RFPL4B: variants seen among roughly 807,000 people sequenced by gnomAD.
RFPL4B encodes ret finger protein-like 4B.
For missense variants in RFPL4B, 314 were observed against 327.7 expected (o/e 0.96, Z 0.32); for synonymous variants, 118 against 126.3 (o/e 0.93, Z 0.44).
In RFPL4B at chr6:112,349,826, C is replaced by G. The variant is rs962345603; in HGVS notation, c.118C>G (p.Leu40Val). 5 of 1,614,156 alleles carry G rather than the reference C, an allele frequency of 3.1e-6. No individual in the cohort carries two copies. The highest frequency in any genetic ancestry group is 4.2e-6 in the Non-Finnish European group (5 of 1,180,026). ...FCFDCIQRYI[L>V]ENHDFRAMCP... ...CTTTGATTGCATCCAGAGGTATATA[C>G]TAGAAAACCATGATTTTAGAGCGAT... is the stretch of plus-strand genomic sequence containing the variant. Residue 40 changes from leucine (L) to valine (V), a missense_variant, in exon 3 of 3, where the codon CTA becomes GTA. By Grantham distance (32) the Leu-to-Val change is conservative. Coordinates refer to ENST00000441065, the MANE Select transcript of RFPL4B (RefSeq NM_001013734.3).
In RFPL4B at chr6:112,350,389, C is replaced by T; in HGVS notation, c.681C>T (p.Val227=). Residue 227 remains valine, a synonymous_variant, in exon 3 of 3, where the codon GTC becomes GTT. Coordinates refer to ENST00000441065, the MANE Select transcript of RFPL4B (RefSeq NM_001013734.3). Reference sequence around the variant, plus strand: ...AGTTTTTTGATGTTGACAATAATGTCCTCATCTATACACATGATGGTTTCT... The same window carrying T: ...AGTTTTTTGATGTTGACAATAATGTTCTCATCTATACACATGATGGTTTCT... The part of the protein sequence containing the change: ...EIQFFDVDNN[V]LIYTHDGFFS... The T allele has an allele frequency of 6.2e-7, 1 of 1,614,036 alleles. No homozygotes were observed.
Position 112,349,653 on chromosome 6 carries a change from G to A in RFPL4B, c.-56G>A. ...TGAGGGCTCCCAAGTGCTTCCAGAA[G>A]CCAATAAAGGATCACTTCAGTTTAC... On this transcript the variant is annotated 5_prime_UTR_variant, in exon 3 of 3. Transcript: ENST00000441065. The A allele has an allele frequency of 6.6e-7, 1 of 1,515,008 alleles. No individual in the cohort carries two copies. Among genetic ancestry groups the A allele is most frequent in the South Asian group, 1.2e-5 (1 of 81,620 alleles). The allele number at this position is 1,515,008 out of a possible 1,614,324, so 93.8% of individuals were successfully genotyped here.
In RFPL4B at chr6:112,351,106, T is replaced by A. The variant is rs1322041938; in HGVS notation, c.*606T>A. 2 of 167,130 alleles carry A rather than the reference T, an allele frequency of 1.2e-5. No individual in the cohort carries two copies. The highest frequency in any genetic ancestry group is 2.9e-5 in the Non-Finnish European group (2 of 68,146). The allele number at this position is 167,130 out of a possible 1,614,324, so 10.4% of individuals were successfully genotyped here. On this transcript the variant is annotated 3_prime_UTR_variant, in exon 3 of 3. Coordinates refer to ENST00000441065, the MANE Select transcript of RFPL4B (RefSeq NM_001013734.3). ...ACAAAGAACTTTGACCAAAATGCAT[T>A]GTTAATGGTGATTCATATTCTTATG...
Position 112,349,653 on chromosome 6 carries a change from G to C in RFPL4B, c.-56G>C, listed in dbSNP as rs1414734130. 6.6e-7 allele frequency: 1 copy of C among 1,514,892 alleles called. No individual in the cohort carries two copies. Among genetic ancestry groups the C allele is most frequent in the Non-Finnish European group, 9.0e-7 (1 of 1,107,592 alleles). The allele number at this position is 1,514,892 out of a possible 1,614,324, so 93.8% of individuals were successfully genotyped here. A position where few individuals can be genotyped will look rare whatever the true frequency, so the allele number is the denominator to read the frequency against. The stretch of plus-strand genomic sequence containing the variant: ...TGAGGGCTCCCAAGTGCTTCCAGAA[G>C]CCAATAAAGGATCACTTCAGTTTAC... On this transcript the variant is annotated 5_prime_UTR_variant, in exon 3 of 3. Coordinates refer to ENST00000441065, the MANE Select transcript of RFPL4B (RefSeq NM_001013734.3).
rs780852100 is a variant in RFPL4B at position 112,349,880 on chromosome 6, G to A, written c.172G>A (p.Val58Ile). The change falls in exon 3 of 3, where the codon GTA becomes ATA. Residue 58 changes from valine to isoleucine, a missense_variant. Transcript: ENST00000441065. Reference protein sequence around the residue: ...MCPLCRDVVKVPALEEWQVSV... With the variant: ...MCPLCRDVVKIPALEEWQVSV... ...CCCCTTGTGTCGAGACGTGGTGAAG[G>A]TACCTGCTTTGGAAGAATGGCAAGT... is the stretch of plus-strand genomic sequence containing the variant. The A allele has an allele frequency of 6.2e-7, 1 of 1,614,000 alleles. No homozygotes were observed. The highest frequency in any genetic ancestry group is 8.5e-7 in the Non-Finnish European group (1 of 1,180,006).
chr6:112,349,460 C>T (rs538862521), intron 2 of RFPL4B, 139 bp downstream of exon 2: 60 of 157,652 alleles, frequency 3.8e-4, no homozygotes, highest in African/African-American at 1.4e-3. Flanking sequence ...GTGTCACTTT[C>T]ATACACAAAC....
intron 1 of RFPL4B, among the ~76,000 whole-genome samples, chr6:112,347,830 C>A (rs1789101546): frequency 6.6e-6 from 1 of 152,128 alleles, no homozygotes; most frequent in African/African-American, 2.4e-5. Context: ...AAAACTTAGC[C>A]GGACGTGGTG....
chr6:112,349,332 C>T lies in RFPL4B; in HGVS notation c.-106+11C>T, dbSNP rs974155922. On this transcript the variant is annotated intron_variant, in intron 2 of 2. Transcript: ENST00000441065. ...AAGTCTTCAGACTAGGTAAGCTGCA[C>T]TGTCTGAAAAGAAAGTTTCCACTGT... The T allele has an allele frequency of 2.0e-5, 3 of 152,548 alleles. No individual in the cohort carries two copies. Among genetic ancestry groups the T allele is most frequent in the Admixed American group, 6.5e-5 (1 of 15,280 alleles). The allele number at this position is 152,548 out of a possible 1,614,324, so 9.4% of individuals were successfully genotyped here. A position where few individuals can be genotyped will look rare whatever the true frequency, so the allele number is the denominator to read the frequency against.
chr6:112,348,820 C>G (rs886550803), intron 1 of RFPL4B, among the ~76,000 whole-genome samples: 1 of 152,200 alleles, frequency 6.6e-6, no homozygotes, highest in Non-Finnish European at 1.5e-5. Flanking sequence ...ACCAGAGGCT[C>G]TCAAGCTTTG....
chr6:112,350,081 G>T lies in RFPL4B; in HGVS notation c.373G>T (p.Asp125Tyr), dbSNP rs769985727. The change falls in exon 3 of 3, where the codon GAT becomes TAT. Residue 125 changes from aspartate (D) to tyrosine (Y), a missense_variant. Physicochemically the swap from Asp to Tyr is radical, Grantham distance 160. Coordinates refer to ENST00000441065, the MANE Select transcript of RFPL4B (RefSeq NM_001013734.3). Reference sequence around the variant, plus strand: ...CGCTCAGTGTAAGAAGATCCACCACGATCTGACAAAAGATCCCAGGCTGGC... The same window carrying T: ...CGCTCAGTGTAAGAAGATCCACCACTATCTGACAAAAGATCCCAGGCTGGC... ...RSAQCKKIHH[D>Y]LTKDPRLACV... The T allele has an allele frequency of 6.2e-7, 1 of 1,614,138 alleles. No homozygotes were observed. Among genetic ancestry groups the T allele is most frequent in the Non-Finnish European group, 8.5e-7 (1 of 1,180,030 alleles).
chr6:112,350,080 C>T lies in RFPL4B; in HGVS notation c.372C>T (p.His124=), dbSNP rs748703242. 15 of 1,614,214 alleles carry T rather than the reference C, an allele frequency of 9.3e-6. No individual in the cohort carries two copies. Among genetic ancestry groups the T allele is most frequent in the Middle Eastern group, 1.6e-4 (1 of 6,062 alleles). ...GCGCTCAGTGTAAGAAGATCCACCA[C>T]GATCTGACAAAAGATCCCAGGCTGG... ...LRSAQCKKIH[H]DLTKDPRLAC... Residue 124 remains histidine, a synonymous_variant, in exon 3 of 3, where the codon CAC becomes CAT. Coordinates refer to ENST00000441065, the MANE Select transcript of RFPL4B (RefSeq NM_001013734.3).
chr6:112,349,819 G>A lies in RFPL4B; in HGVS notation c.111G>A (p.Arg37=), dbSNP rs1457284902. 1.2e-6 allele frequency: 2 copies of A among 1,614,090 alleles called. No individual in the cohort carries two copies. The highest frequency in any genetic ancestry group is 2.7e-5 in the African/African-American group (2 of 75,010). Residue 37 remains arginine (R), a synonymous_variant, in exon 3 of 3, where the codon AGG becomes AGA. Transcript: ENST00000441065. ...THVFCFDCIQ[R]YILENHDFRA... Reference sequence around the variant, plus strand: ...TGTTCTGCTTTGATTGCATCCAGAGGTATATACTAGAAAACCATGATTTTA... The same window carrying A: ...TGTTCTGCTTTGATTGCATCCAGAGATATATACTAGAAAACCATGATTTTA...
chr6:112,350,092 A>G lies in RFPL4B; in HGVS notation c.384A>G (p.Lys128=). The change falls in exon 3 of 3, where the codon AAA becomes AAG. Residue 128 remains lysine (K), a synonymous_variant. Coordinates refer to ENST00000441065, the MANE Select transcript of RFPL4B (RefSeq NM_001013734.3). ...AGAAGATCCACCACGATCTGACAAA[A>G]GATCCCAGGCTGGCCTGTGTCCTGG... ...QCKKIHHDLT[K]DPRLACVLGT... The G allele has an allele frequency of 6.2e-7, 1 of 1,614,220 alleles. No homozygotes were observed. Among genetic ancestry groups the G allele is most frequent in the South Asian group, 1.1e-5 (1 of 91,088 alleles).
Position 112,350,393 on chromosome 6 carries a change from A to T in RFPL4B, c.685A>T (p.Ile229Phe), listed in dbSNP as rs764278690. Residue 229 changes from isoleucine (I) to phenylalanine (F), a missense_variant, in exon 3 of 3, where the codon ATC becomes TTC. By Grantham distance (21) the Ile-to-Phe change is conservative. Transcript: ENST00000441065. ...TTTTGATGTTGACAATAATGTCCTCATCTATACACATGATGGTTTCTTCTC... is the reference window on the plus strand; with the variant it reads ...TTTTGATGTTGACAATAATGTCCTCTTCTATACACATGATGGTTTCTTCTC... ...QFFDVDNNVLIYTHDGFFSLE... is the reference protein window; with the variant it reads ...QFFDVDNNVLFYTHDGFFSLE... 6.2e-7 allele frequency: 1 copy of T among 1,614,126 alleles called. No individual in the cohort carries two copies. The highest frequency in any genetic ancestry group is 1.7e-5 in the Admixed American group (1 of 60,028).
chr6:112,350,380 CA>C lies in RFPL4B; in HGVS notation c.674del (p.Asn225IlefsTer35), dbSNP rs1789138304. ...AAGAAATCCAGTTTTTTGATGTTGA[CA>C]ATAATGTCCTCATCTATACACATGA... ...LEEIQFFDVD[N>X]NVLIYTHDGF... On this transcript the variant is annotated frameshift_variant, in exon 3 of 3. Coordinates refer to ENST00000441065, the MANE Select transcript of RFPL4B (RefSeq NM_001013734.3). LOFTEE classifies it low-confidence loss of function (END_TRUNC). 6.2e-7 allele frequency: 1 copy of C among 1,614,028 alleles called. No homozygotes were observed.
chr6:112,349,534 AAAT>A (rs1438121277), intron 2 of RFPL4B, 67 bp from the exon 3 acceptor site: 2 of 210,698 alleles, frequency 9.5e-6, no homozygotes, highest in Non-Finnish European at 1.9e-5. Flanking sequence ...ATTATTTATT[AAAT>A]AATATAATTC....
Position 112,350,343 on chromosome 6 carries a change from A to T in RFPL4B, c.635A>T (p.Asp212Val). Residue 212 changes from aspartate (D) to valine (V), a missense_variant, in exon 3 of 3, where the codon GAT becomes GTT. Asp to Val is a radical substitution (Grantham distance 152). Coordinates refer to ENST00000441065, the MANE Select transcript of RFPL4B (RefSeq NM_001013734.3). ...CTTCGCCGTGTGGGAATTTTCCTGG[A>T]TGCTGACTTAGAAGAAATCCAGTTT... ...PRLRRVGIFL[D>V]ADLEEIQFFD... 1 of 1,614,232 alleles carries T rather than the reference A, an allele frequency of 6.2e-7. No individual in the cohort carries two copies. The highest frequency in any genetic ancestry group is 8.5e-7 in the Non-Finnish European group (1 of 1,180,044).
rs200708551 is a variant in RFPL4B at position 112,349,981 on chromosome 6, G to C, written c.273G>C (p.Arg91=). 2 of 1,614,092 alleles carry C rather than the reference G, an allele frequency of 1.2e-6. No individual in the cohort carries two copies. The highest frequency in any genetic ancestry group is 3.3e-5 in the Admixed American group (2 of 60,004). ...EQSLHVREEL[R]HFREDVTLDA... is the part of the protein sequence containing the mutation. ...GTCTGCACGTGAGGGAGGAGCTCCG[G>C]CATTTTCGGGAGGATGTGACCCTGG... The change falls in exon 3 of 3, where the codon CGG becomes CGC. Residue 91 remains arginine, a synonymous_variant. Transcript: ENST00000441065.
At chr6:112,348,938 C>T (rs556467860) in intron 1 of RFPL4B, among the ~76,000 whole-genome samples, 1 of 152,294 alleles carries the variant, frequency 6.6e-6, no homozygotes, top group Admixed American at 6.5e-5. Context: ...TATTTTTATT[C>T]ACATTAATTC....
Sources: gnomAD v4.1 joint callset for allele counts (sites outside exome capture counted in the v4.1 genomes callset) on GRCh38, gnomAD v4.1.1 for gene constraint, MANE v1.5 for transcripts, NCBI Gene and HGNC (gene_info 2026-07-23, HGNC 2026-07-21) for gene names.